Variants in ITGA2 observed in about 807,000 individuals in gnomAD.
ITGA2 encodes integrin subunit alpha 2, also known as integrin alpha-2.
In ITGA2, 101 loss-of-function variants were observed where a neutral mutation model predicts 146.3. The observed-to-expected ratio is 0.69, with a 90% CI of 0.59 to 0.81. The LOEUF (loss-of-function observed/expected upper bound fraction) is 0.81. Among genes scored for constraint, ITGA2 ranks in the 40% least tolerant of loss-of-function variants. The pLI is 0.00. For missense variants in ITGA2, 1,281 were observed against 1,402.7 expected, an observed-to-expected ratio of 0.91 and a Z score of 1.39; for synonymous variants, 477 against 487.1, an observed-to-expected ratio of 0.98 and a Z score of 0.27.
intron 15 of ITGA2, 76 bp from the exon 16 acceptor site, chr5:53,067,042 G>C (rs1745181053): frequency 7.6e-6 from 11 of 1,451,544 alleles, no homozygotes; most frequent in Non-Finnish European, 9.6e-6. Flanking sequence ...CTGGTACTGG[G>C]TCCTCTATGA....
intron 1 of ITGA2, among the ~76,000 whole-genome samples, chr5:53,009,082 T>G (rs1741994560): frequency 6.6e-6 from 1 of 152,156 alleles, no homozygotes; most frequent in South Asian, 2.1e-4. Flanking sequence ...GTGGACCTGC[T>G]GCTTTATAGC....
intron 15 of ITGA2, 135 bp from the exon 16 acceptor site, chr5:53,066,983 C>A: frequency 2.4e-6 from 2 of 827,900 alleles, no homozygotes; most frequent in Admixed American, 2.2e-5. Flanking sequence ...CAAATATATA[C>A]TACTGCTAAA....
chr5:53,012,368 G>A (rs1394855039), intron 1 of ITGA2, among the ~76,000 whole-genome samples: 4 of 152,142 alleles, frequency 2.6e-5, no homozygotes, highest in Admixed American at 2.6e-4. Context: ...TGACTGGAAA[G>A]TTTCAAATAA....
intron 19 of ITGA2, among the ~76,000 whole-genome samples, 154 bp downstream of exon 19, chr5:53,072,849 C>T (rs935851809): frequency 5.3e-5 from 8 of 151,654 alleles, no homozygotes; most frequent in Non-Finnish European, 1.2e-4. Context: ...CTACCATCCA[C>T]ATAGGAGTAA....
At chr5:53,081,404 C>G (rs527800746) in intron 25 of ITGA2, among the ~76,000 whole-genome samples, 188 bp from the exon 26 acceptor site, 2 of 152,182 alleles carry the variant, frequency 1.3e-5, no homozygotes, top group Non-Finnish European at 2.9e-5. Flanking sequence ...CAGTTCACAT[C>G]AGGAGCATTT....
chr5:52,990,617 C>T (rs1397576248), intron 1 of ITGA2, among the ~76,000 whole-genome samples: 4 of 149,198 alleles, frequency 2.7e-5, no homozygotes, highest in African/African-American at 9.9e-5. Flanking sequence ...CTAAGCTGTC[C>T]TCCTTTGAGA....
chr5:53,048,328 G>A, intron 4 of ITGA2, 35 bp from the exon 5 acceptor site: 1 of 1,502,414 alleles, frequency 6.7e-7, no homozygotes, highest in Non-Finnish European at 9.3e-7. Flanking sequence ...CATTTTTCAT[G>A]TGTTTCCATT....
chr5:53,052,554 G>GA (rs1446067517), intron 7 of ITGA2, among the ~76,000 whole-genome samples: 1 of 151,082 alleles, frequency 6.6e-6, no homozygotes, highest in Non-Finnish European at 1.5e-5. Context: ...AATTCTTTTT[G>GA]AAAAAAGCAA....
Position 53,048,741 on chromosome 5 carries a change from G to T in ITGA2, c.601G>T (p.Gly201Cys). ...GAATTTTTTGGAAAAATTTGTACAA[G>T]GCCTGGATATAGGCCCCACAAAGAC... ...VKNFLEKFVQGLDIGPTKTQV... is the reference protein window; with the variant it reads ...VKNFLEKFVQCLDIGPTKTQV... The change falls in exon 6 of 30, where the codon GGC becomes TGC. Residue 201 changes from glycine (G) to cysteine (C), a missense_variant. By Grantham distance (159) the Gly-to-Cys change is radical (BLOSUM62 -3). Coordinates refer to ENST00000296585, the MANE Select transcript of ITGA2 (RefSeq NM_002203.4). 1 of 1,613,930 alleles carries T rather than the reference G, an allele frequency of 6.2e-7. No individual in the cohort carries two copies. Among genetic ancestry groups the T allele is most frequent in the East Asian group, 2.2e-5 (1 of 44,858 alleles).
At chr5:53,029,514 T>G (rs891493350) in intron 2 of ITGA2, among the ~76,000 whole-genome samples, 1 of 152,158 alleles carries the variant, frequency 6.6e-6, no homozygotes, top group African/African-American at 2.4e-5. Flanking sequence ...ACTCAAATGG[T>G]TTTCATCTTT....
intron 2 of ITGA2, among the ~76,000 whole-genome samples, chr5:53,034,748 T>C (rs550224020): frequency 1.3e-5 from 2 of 152,284 alleles, no homozygotes; most frequent in East Asian, 3.9e-4. Flanking sequence ...GTCTAAGACA[T>C]TTACATCCAT....
At chr5:52,993,335 C>T (rs539493434) in intron 1 of ITGA2, among the ~76,000 whole-genome samples, 1 of 152,276 alleles carries the variant, frequency 6.6e-6, no homozygotes, top group African/African-American at 2.4e-5. Flanking sequence ...AGGTCCTGAG[C>T]CACTGTTTGA....
At chr5:53,071,569 A>G (rs77577889) in intron 17 of ITGA2, among the ~76,000 whole-genome samples, 3 of 151,938 alleles carry the variant, frequency 2.0e-5, no homozygotes, top group South Asian at 4.2e-4. Context: ...CTGCCTGTGA[A>G]TGGACTAAAG....
chr5:53,074,956 G>A, intron 21 of ITGA2, 105 bp from the exon 22 acceptor site: 1 of 771,334 alleles, frequency 1.3e-6, no homozygotes, highest in Non-Finnish European at 2.2e-6. Context: ...ATAAAATTCA[G>A]AATCAAATTT....
intron 1 of ITGA2, among the ~76,000 whole-genome samples, chr5:53,019,736 G>C (rs1742575885): frequency 6.6e-6 from 1 of 152,018 alleles, no homozygotes; most frequent in South Asian, 2.1e-4. Context: ...ATCTTGGCCA[G>C]GCTGGTCTTG....
At chr5:53,001,872 C>A (rs1330111018) in intron 1 of ITGA2, among the ~76,000 whole-genome samples, 1 of 145,772 alleles carries the variant, frequency 6.9e-6, no homozygotes, top group Non-Finnish European at 1.5e-5. Context: ...TTTCTCTGAA[C>A]TTCTTTCTTC....
At chr5:52,997,160 A>C (rs1309126920) in intron 1 of ITGA2, among the ~76,000 whole-genome samples, 5 of 152,222 alleles carry the variant, frequency 3.3e-5, no homozygotes, top group Non-Finnish European at 5.9e-5. Context: ...TAATGTTTTC[A>C]GCTCCATAGA....
At chr5:53,061,109 G>A in intron 12 of ITGA2, 63 bp downstream of exon 12, 1 of 1,543,200 alleles carries the variant, frequency 6.5e-7, no homozygotes, top group South Asian at 1.1e-5. Flanking sequence ...TGGGGAGTCA[G>A]GTGAACAGAA....
rs182207159 is a variant in ITGA2 at position 53,033,236 on chromosome 5, T to A, written c.185+6368T>A. Among the ~76,000 whole-genome samples the A allele has an allele frequency of 1.8e-3, 268 of 151,696 alleles. 3 individuals carry two copies. The highest frequency in any genetic ancestry group is 6.3e-3 in the African/African-American group (261 of 41,312). On this transcript the variant is annotated intron_variant, in intron 2 of 29. Transcript: ENST00000296585. Reference sequence around the variant, plus strand: ...GTGAGCTGAGATCATACCACTGCAGTCTAGCCTTGGCAACAGAGGGAGATT... The same window carrying A: ...GTGAGCTGAGATCATACCACTGCAGACTAGCCTTGGCAACAGAGGGAGATT...
Sources: allele counts gnomAD v4.1 joint callset (sites outside exome capture counted in the v4.1 genomes callset), GRCh38; gene constraint gnomAD v4.1.1; transcripts MANE v1.5; gene names NCBI Gene and HGNC (gene_info 2026-07-23, HGNC 2026-07-21).